The following MYMK variants were observed in gnomAD, a reference collection of about 807,000 sequenced individuals.
MYMK encodes myomaker, myoblast fusion factor.
In MYMK, 16 loss-of-function variants were observed where a neutral mutation model predicts 22.4. The observed-to-expected ratio is 0.72, with a 90% CI of 0.48 to 1.09. The LOEUF is 1.09. Ranked by LOEUF, MYMK falls within the 50% of genes least tolerant of loss-of-function variation. The probability of loss-of-function intolerance (pLI) is 0.00; values close to 1 mark genes in which losing one functional copy is unlikely to be tolerated. For missense variants in MYMK, 250 were observed against 295.6 expected (o/e 0.85, Z 1.13); for synonymous variants, 125 against 127.0 (o/e 0.98, Z 0.11).
rs376941919 is a variant in MYMK, at chr9:133,515,383, G to C, written c.516+108C>G. Reference sequence around the variant, plus strand: ...GGGACTAATACCAGACTTTGGCCTGGGGCTGTCAGAGTCCCCCCAGCGTGG... The same window carrying C: ...GGGACTAATACCAGACTTTGGCCTGCGGCTGTCAGAGTCCCCCCAGCGTGG... On this transcript the variant is annotated intron_variant, in intron 4 of 4. Coordinates refer to ENST00000339996, the MANE Select transcript of MYMK (RefSeq NM_001080483.3). This position sits in a 1 kb window ranked among gnomAD's most constrained non-coding sequence, Gnocchi z 5.8. The C allele has an allele frequency of 1.4e-5, 11 of 768,662 alleles. No individual in the cohort carries two copies. The highest frequency in any genetic ancestry group is 6.9e-5 in the African/African-American group (4 of 57,658). The allele number at this position is 768,662 out of a possible 1,614,324, so 47.6% of individuals were successfully genotyped here. A position where few individuals can be genotyped will look rare whatever the true frequency, so the allele number is the denominator to read the frequency against.
intron 1 of MYMK, among the ~76,000 whole-genome samples, chr9:133,524,484 G>A (rs944626249): frequency 2.6e-5 from 4 of 152,204 alleles, no homozygotes; most frequent in African/African-American, 9.6e-5. Flanking sequence ...CACAGGCAGT[G>A]ATCCCAGAGC....
chr9:133,521,377 G>A (rs539574857), intron 1 of MYMK, among the ~76,000 whole-genome samples: 3 of 152,300 alleles, frequency 2.0e-5, no homozygotes, highest in Non-Finnish European at 4.4e-5. Flanking sequence ...AAAGCAGCCC[G>A]TGTCTGGAGG....
rs1019217422 is a variant in MYMK, at chr9:133,520,104, G to A, written c.250+70C>T. ...GAGGGCTGCAGCGGGACTGGTTTGA[G>A]GCTGGGTGTGCGGACACTGGGGAGC... On this transcript the variant is annotated intron_variant, in intron 2 of 4. Coordinates refer to ENST00000339996, the MANE Select transcript of MYMK (RefSeq NM_001080483.3). 4.0e-6 allele frequency: 5 copies of A among 1,234,694 alleles called. No individual in the cohort carries two copies. In the African/African-American group the frequency reaches 5.9e-5, roughly 15 times the overall value. 76.5% of individuals were successfully genotyped at this position (1,234,694 alleles called of 1,614,324 possible).
intron 1 of MYMK, among the ~76,000 whole-genome samples, chr9:133,523,715 GAGAGAC>G (rs1483391759): frequency 3.2e-5 from 3 of 93,300 alleles, no homozygotes; most frequent in Non-Finnish European, 5.2e-5. Flanking sequence ...GAGAGAGAGA[GAGAGAC>G]AAGCTGGAGA....
At chr9:133,523,148 G>A (rs73553558) in intron 1 of MYMK, among the ~76,000 whole-genome samples, 1,665 of 152,332 alleles carry the variant, frequency 0.011, 29 homozygotes, top group African/African-American at 0.037. Context: ...CAGCCCACAC[G>A]TGCACACTCA....
chr9:133,519,178 G>A (rs1844669396), intron 2 of MYMK, among the ~76,000 whole-genome samples, 156 bp from the exon 3 acceptor site: 1 of 151,694 alleles, frequency 6.6e-6, no homozygotes, highest in South Asian at 2.1e-4. Context: ...TGGTCATGGA[G>A]GGGTCTGAAT....
At chr9:133,517,944 C>A (rs1401514129) in intron 3 of MYMK, among the ~76,000 whole-genome samples, 1 of 152,226 alleles carries the variant, frequency 6.6e-6, no homozygotes, top group Non-Finnish European at 1.5e-5. Context: ...TGTGGCTGGG[C>A]TGGACCAGGC....
At chr9:133,520,077 T>A in intron 2 of MYMK, 97 bp downstream of exon 2, 1 of 867,378 alleles carries the variant, frequency 1.2e-6, no homozygotes, top group South Asian at 1.5e-5. Context: ...TGAGTGGGGA[T>A]AGAGGGCTGC....
In MYMK at chr9:133,518,989, G is replaced by T. The variant is rs766186353; in HGVS notation, c.284C>A (p.Thr95Lys). 7 of 1,614,032 alleles carry T rather than the reference G, an allele frequency of 4.3e-6. No homozygotes were observed. The highest frequency in any genetic ancestry group is 1.3e-5 in the African/African-American group (1 of 75,048). ...GGTCAGGACGCCGAACATCACAAAT[G>T]TTGACCTCTTGGGTTCGTCGAAGTC... ...LADFDEPKRS[T>K]FVMFGVLTIA... The change falls in exon 3 of 5, where the codon ACA becomes AAA. Residue 95 changes from threonine to lysine, a missense_variant. Coordinates refer to ENST00000339996, the MANE Select transcript of MYMK (RefSeq NM_001080483.3).
At chr9:133,523,669 T>TGGAGAGAG (rs1472501583) in intron 1 of MYMK, among the ~76,000 whole-genome samples, 1 of 112,794 alleles carries the variant, frequency 8.9e-6, no homozygotes, top group African/African-American at 3.7e-5. Context: ...GATGCGTAGA[T>TGGAGAGAG]AGAGAGATAG....
At chr9:133,522,946 G>C (rs1345561315) in intron 1 of MYMK, among the ~76,000 whole-genome samples, 3 of 152,238 alleles carry the variant, frequency 2.0e-5, no homozygotes, top group Non-Finnish European at 4.4e-5. Context: ...CAAGATCCTA[G>C]GCTTGTGGGG....
chr9:133,521,963 G>A (rs557912546), intron 1 of MYMK, among the ~76,000 whole-genome samples: 5 of 152,332 alleles, frequency 3.3e-5, no homozygotes, highest in East Asian at 1.9e-4. Flanking sequence ...TTGCATGGAC[G>A]GCTCCCAGCA....
chr9:133,518,947 T>G lies in MYMK; in HGVS notation c.326A>C (p.Tyr109Ser), dbSNP rs1844665169. Residue 109 changes from tyrosine (Y) to serine (S), a missense_variant, in exon 3 of 5, where the codon TAC (tyrosine) becomes TCC (serine). By Grantham distance (144) the Tyr-to-Ser change is moderately radical. Coordinates refer to ENST00000339996, the MANE Select transcript of MYMK (RefSeq NM_001080483.3). ...FGVLTIAVRI[Y>S]HDRWGYGVYS... ...CACCCCGTAGCCCCATCGGTCATGG[T>G]AGATCCGCACAGCAATGGTCAGGAC... 6.2e-7 allele frequency: 1 copy of G among 1,613,784 alleles called. No individual in the cohort carries two copies. The highest frequency in any genetic ancestry group is 1.3e-5 in the African/African-American group (1 of 74,898).
At chr9:133,519,128 C>A in intron 2 of MYMK, 106 bp from the exon 3 acceptor site, 1 of 1,395,814 alleles carries the variant, frequency 7.2e-7, no homozygotes, top group Non-Finnish European at 9.8e-7. Context: ...GATGCCCTCT[C>A]TCGGTGTCCC....
Position 133,518,853 on chromosome 9 carries a change from C to T in MYMK, c.399+21G>A, listed in dbSNP as rs373572359. The T allele has an allele frequency of 3.1e-5, 50 of 1,594,502 alleles. No individual in the cohort carries two copies. The African/African-American group carries it at 3.6e-4, about 12-fold the overall frequency. On this transcript the variant is annotated intron_variant, in intron 3 of 4. Coordinates refer to ENST00000339996, the MANE Select transcript of MYMK (RefSeq NM_001080483.3). Reference sequence around the variant, plus strand: ...ACGGGCCTCCTGGGTCCCCGTTCATCGAGGCTCGCGCAGTACGCACCCACT... The same window carrying T: ...ACGGGCCTCCTGGGTCCCCGTTCATTGAGGCTCGCGCAGTACGCACCCACT...
At chr9:133,523,977 G>T (rs557965848) in intron 1 of MYMK, among the ~76,000 whole-genome samples, 18 of 151,906 alleles carry the variant, frequency 1.2e-4, no homozygotes, top group Non-Finnish European at 2.2e-4. Flanking sequence ...GGAGACAGGG[G>T]TCCCAGAAAC....
In MYMK at chr9:133,515,900, C is replaced by T. The variant is rs754485402; in HGVS notation, c.400-293G>A. 6.6e-6 allele frequency among the ~76,000 whole-genome samples: 1 copy of T among 152,178 alleles called. No individual in the cohort carries two copies. Among genetic ancestry groups the T allele is most frequent in the Non-Finnish European group, 1.5e-5 (1 of 68,022 alleles). The stretch of plus-strand genomic sequence containing the variant: ...CCCGCCTCTTTGAGATGTAACAACG[C>T]CACCCTCGCATGTCTCCTCCTCCCT... On this transcript the variant is annotated intron_variant, in intron 3 of 4. Transcript: ENST00000339996. This position sits in a 1 kb window ranked among gnomAD's most constrained non-coding sequence, Gnocchi z 5.8.
In MYMK at chr9:133,515,667, C is replaced by G. The variant is rs1180892536; in HGVS notation, c.400-60G>C. ...GTCACAGCACTGGGGAACGCCCCTC[C>G]CCAAACCAGCCCGAGAGCTGGCCCT... On this transcript the variant is annotated intron_variant, in intron 3 of 4. Coordinates refer to ENST00000339996, the MANE Select transcript of MYMK (RefSeq NM_001080483.3). This position sits in a 1 kb window ranked among gnomAD's most constrained non-coding sequence, Gnocchi z 5.8. 1.8e-6 allele frequency: 2 copies of G among 1,137,872 alleles called. No individual in the cohort carries two copies. Among genetic ancestry groups the G allele is most frequent in the African/African-American group, 1.5e-5 (1 of 65,658 alleles). The allele number at this position is 1,137,872 out of a possible 1,614,324, so 70.5% of individuals were successfully genotyped here. A position where few individuals can be genotyped will look rare whatever the true frequency, so the allele number is the denominator to read the frequency against.
chr9:133,521,267 C>G (rs1844699975), intron 1 of MYMK, among the ~76,000 whole-genome samples: 1 of 152,178 alleles, frequency 6.6e-6, no homozygotes, highest in Non-Finnish European at 1.5e-5. Context: ...AATTACATGA[C>G]ATAATTATTT....
Sources: allele counts gnomAD v4.1 joint callset (sites outside exome capture counted in the v4.1 genomes callset), GRCh38; gene constraint gnomAD v4.1.1; non-coding constraint Gnocchi (gnomAD v3.1); transcripts MANE v1.5; gene names NCBI Gene and HGNC (gene_info 2026-07-23, HGNC 2026-07-21).